Variants in SLC29A1 observed in about 807,000 individuals in gnomAD.
SLC29A1 encodes the protein equilibrative nucleoside transporter 1.
SLC29A1 carries 22 observed loss-of-function variants against 48.3 expected under a neutral mutation model. The observed-to-expected ratio is 0.46, with a 90% CI of 0.33 to 0.65. The LOEUF is 0.65. Ranked by LOEUF, SLC29A1 falls within the 30% of genes least tolerant of loss-of-function variation. SLC29A1 has a pLI of 0.03. For missense variants in SLC29A1, 491 were observed against 575.3 expected (o/e 0.85, Z 1.50); for synonymous variants, 228 against 231.0 (o/e 0.99, Z 0.12).
At position 44,223,930 on chromosome 6, in the gene SLC29A1, G is replaced by C; in HGVS notation, c.-52+289G>C. On this transcript the variant is annotated intron_variant, in intron 1 of 12. Transcript: ENST00000371755. This position sits in a 1 kb window ranked among gnomAD's most constrained non-coding sequence, Gnocchi z 5.0. ...GTTGACCTCCGCAAGGGGCAGGCGAGTGGACGGGTGATCCCCATCGATCTG... is the reference window on the plus strand; with the variant it reads ...GTTGACCTCCGCAAGGGGCAGGCGACTGGACGGGTGATCCCCATCGATCTG... 2.0e-6 allele frequency: 2 copies of C among 990,880 alleles called. No homozygotes were observed. The highest frequency in any genetic ancestry group is 2.4e-6 in the Non-Finnish European group (2 of 833,626). 61.4% of individuals were successfully genotyped at this position (990,880 alleles called of 1,614,324 possible).
In SLC29A1 at chr6:44,230,360, C is replaced by A; in HGVS notation, c.468C>A (p.Ile156=). 1.2e-6 allele frequency: 2 copies of A among 1,612,640 alleles called. No homozygotes were observed. The highest frequency in any genetic ancestry group is 2.2e-5 in the East Asian group (1 of 44,838). The change falls in exon 6 of 13, where the codon ATC becomes ATA. Residue 156 remains isoleucine (I), a synonymous_variant. Transcript: ENST00000371755. The part of the protein sequence containing the change: ...KIVLINSFGA[I]LQGSLFGLAG... ...CTGTTTCCCCAGCATTTGGTGCCAT[C>A]CTGCAGGGCAGCCTGTTTGGTCTGG...
In SLC29A1 at chr6:44,223,651, G is replaced by A. The variant is rs1390655183; in HGVS notation, c.-52+10G>A. On this transcript the variant is annotated intron_variant, in intron 1 of 12. Coordinates refer to ENST00000371755, the MANE Select transcript of SLC29A1 (RefSeq NM_001372327.1). The surrounding 1 kb of genome is among the most constrained non-coding windows in gnomAD (Gnocchi z 5.0). Reference sequence around the variant, plus strand: ...AGTGCTTCTGCGGCAGGTGCTGCCCGGGGCCGGGGACTGGGGACTGGGGAC... The same window carrying A: ...AGTGCTTCTGCGGCAGGTGCTGCCCAGGGCCGGGGACTGGGGACTGGGGAC... 1.7e-6 allele frequency: 2 copies of A among 1,201,570 alleles called. No individual in the cohort carries two copies. The highest frequency in any genetic ancestry group is 1.6e-5 in the African/African-American group (1 of 61,038). The allele number at this position is 1,201,570 out of a possible 1,614,324, so 74.4% of individuals were successfully genotyped here. A position where few individuals can be genotyped will look rare whatever the true frequency, so the allele number is the denominator to read the frequency against.
At chr6:44,223,501 G>A (rs1776717491), upstream of SLC29A1, 22 of 980,490 alleles carry the variant, frequency 2.2e-5, no homozygotes, top group South Asian at 6.1e-4. The surrounding 1 kb of genome is among the most constrained non-coding windows in gnomAD (Gnocchi z 5.0). Context: ...CGGGGGCGGG[G>A]CCGCGGGCGT....
rs1014208940 is a variant in SLC29A1 at position 44,229,227 on chromosome 6, C to G, written c.30-163C>G. On this transcript the variant is annotated intron_variant, in intron 2 of 12. Coordinates refer to ENST00000371755, the MANE Select transcript of SLC29A1 (RefSeq NM_001372327.1). This position sits in a 1 kb window ranked among gnomAD's most constrained non-coding sequence, Gnocchi z 5.1. ...TCCAACGAGCAATGTACCCTTTTCT[C>G]CCCCCACACCCATAAGAGGACACAT... Among the ~76,000 whole-genome samples, 1 of 142,176 alleles carries G rather than the reference C, an allele frequency of 7.0e-6. No homozygotes were observed. The highest frequency in any genetic ancestry group is 1.6e-5 in the Non-Finnish European group (1 of 62,212). The allele number at this position is 142,176 out of a possible 152,430, so 93.3% of individuals were successfully genotyped here. A position where few individuals can be genotyped will look rare whatever the true frequency, so the allele number is the denominator to read the frequency against.
chr6:44,233,160 G>A (rs1182415534), intron 12 of SLC29A1, among the ~76,000 whole-genome samples, 154 bp downstream of exon 12: 2 of 152,180 alleles, frequency 1.3e-5, no homozygotes, highest in Non-Finnish European at 2.9e-5. Context: ...AGGGGATAGT[G>A]ACTGTAGTGG....
In SLC29A1 at chr6:44,229,933, G is replaced by A; in HGVS notation, c.341G>A (p.Gly114Asp). 3.1e-6 allele frequency: 5 copies of A among 1,613,488 alleles called. No homozygotes were observed. The highest frequency in any genetic ancestry group is 4.2e-6 in the Non-Finnish European group (5 of 1,180,036). The change falls in exon 5 of 13, where the codon GGC (glycine) becomes GAC (aspartate). Residue 114 changes from glycine to aspartate, a missense_variant. Coordinates refer to ENST00000371755, the MANE Select transcript of SLC29A1 (RefSeq NM_001372327.1). The surrounding 1 kb of genome is among the most constrained non-coding windows in gnomAD (Gnocchi z 5.1). ...ATCCCCCAGTCCGTACGGATCCTGG[G>A]CAGCCTGGTGGCCATCCTGCTGGTG... ...QRIPQSVRIL[G>D]SLVAILLVFL... is the part of the protein sequence containing the mutation.
At position 44,229,514 on chromosome 6, in the gene SLC29A1, T is replaced by A; in HGVS notation, c.111+43T>A. ...GGGCTCCATGGGGCAGTGCCCACTG[T>A]GCTTGCAGGATCTGACTCTGTGCTG... is the stretch of plus-strand genomic sequence containing the variant. On this transcript the variant is annotated intron_variant, in intron 3 of 12. Transcript: ENST00000371755. This position sits in a 1 kb window ranked among gnomAD's most constrained non-coding sequence, Gnocchi z 5.1. 6.2e-7 allele frequency: 1 copy of A among 1,609,316 alleles called. No individual in the cohort carries two copies. Among genetic ancestry groups the A allele is most frequent in the Non-Finnish European group, 8.5e-7 (1 of 1,175,650 alleles).
rs1197774558 is a variant in SLC29A1 at position 44,229,991 on chromosome 6, G to C, written c.399G>C (p.Gln133His). 2.5e-6 allele frequency: 4 copies of C among 1,612,340 alleles called. No homozygotes were observed. Among genetic ancestry groups the C allele is most frequent in the Non-Finnish European group, 3.4e-6 (4 of 1,180,030 alleles). ...FLITAILVKV[Q>H]LDALPFFVIT... ...TCACTGCCATCCTGGTGAAGGTGCAGCTGGATGCTCTGCCCTTCTTTGTCA... is the reference window on the plus strand; with the variant it reads ...TCACTGCCATCCTGGTGAAGGTGCACCTGGATGCTCTGCCCTTCTTTGTCA... The change falls in exon 5 of 13, where the codon CAG becomes CAC. Residue 133 changes from glutamine to histidine, a missense_variant. By Grantham distance (24) the Gln-to-His change is conservative (BLOSUM62 0). Transcript: ENST00000371755. This position sits in a 1 kb window ranked among gnomAD's most constrained non-coding sequence, Gnocchi z 5.1.
chr6:44,224,935 C>T (rs1014180301), intron 1 of SLC29A1, among the ~76,000 whole-genome samples: 2 of 152,158 alleles, frequency 1.3e-5, no homozygotes, highest in Non-Finnish European at 2.9e-5. Context: ...GAGGAGAGGG[C>T]TGGAGTTGAA....
At position 44,233,462 on chromosome 6, in the gene SLC29A1, C is replaced by T. The variant is rs1190357146; in HGVS notation, c.1305C>T (p.Ala435=). The T allele has an allele frequency of 1.2e-6, 2 of 1,614,196 alleles. No homozygotes were observed. Among genetic ancestry groups the T allele is most frequent in the Non-Finnish European group, 1.7e-6 (2 of 1,180,016 alleles). Residue 435 remains alanine (A), a synonymous_variant, in exon 13 of 13, where the codon GCC becomes GCT. Coordinates refer to ENST00000371755, the MANE Select transcript of SLC29A1 (RefSeq NM_001372327.1). ...CAGAGACCGCAGGAGCCATCATGGC[C>T]TTCTTCCTGTGTCTGGGTCTGGCAC... ...AEAETAGAIM[A]FFLCLGLALG... is the part of the protein sequence containing the mutation.
intron 12 of SLC29A1, 71 bp downstream of exon 12, chr6:44,233,077 G>C: frequency 2.0e-6 from 3 of 1,486,814 alleles, no homozygotes. Context: ...ACACTCAGTA[G>C]AGGGAGGGCA....
rs565610402 is a variant in SLC29A1 at position 44,226,874 on chromosome 6, C to T, written c.-51-389C>T. On this transcript the variant is annotated intron_variant, in intron 1 of 12. Coordinates refer to ENST00000371755, the MANE Select transcript of SLC29A1 (RefSeq NM_001372327.1). The stretch of plus-strand genomic sequence containing the variant: ...CCTCCTTCCCTTGTCATCACTGTCC[C>T]TGACCCCTCTCGTCCTCTTGCCTGC... 6.7e-6 allele frequency: 7 copies of T among 1,051,630 alleles called. No homozygotes were observed. In the South Asian group the frequency reaches 1.6e-4, roughly 24 times the overall value. 65.1% of individuals were successfully genotyped at this position (1,051,630 alleles called of 1,614,324 possible). A position where few individuals can be genotyped will look rare whatever the true frequency, so the allele number is the denominator to read the frequency against.
Position 44,229,556 on chromosome 6 carries a change from A to G in SLC29A1, c.112-33A>G. On this transcript the variant is annotated intron_variant, in intron 3 of 12. Transcript: ENST00000371755. The surrounding 1 kb of genome is among the most constrained non-coding windows in gnomAD (Gnocchi z 5.1). The stretch of plus-strand genomic sequence containing the variant: ...TCTGTGCTGGTAGGCACAGGGAAAG[A>G]GATTTCAACACTCCTCTCTGCAACC... 1.2e-6 allele frequency: 2 copies of G among 1,612,650 alleles called. No homozygotes were observed. The highest frequency in any genetic ancestry group is 1.7e-6 in the Non-Finnish European group (2 of 1,178,740).
At chr6:44,231,013 G>GGA (rs1486442550) in intron 8 of SLC29A1, 124 bp downstream of exon 8, 38 of 777,660 alleles carry the variant, frequency 4.9e-5, no homozygotes, top group Non-Finnish European at 6.6e-5. Flanking sequence ...GAGGACTGAA[G>GGA]GACTACAGCA....
At chr6:44,226,748 T>G (rs775886821) in intron 1 of SLC29A1, 10 of 998,552 alleles carry the variant, frequency 1.0e-5, no homozygotes, top group Non-Finnish European at 1.2e-5. Context: ...TGGTTTGACC[T>G]CAGTCATCAT....
chr6:44,230,845 A>T lies in SLC29A1; in HGVS notation c.722A>T (p.Glu241Val). The T allele has an allele frequency of 6.2e-7, 1 of 1,614,154 alleles. No homozygotes were observed. The highest frequency in any genetic ancestry group is 8.5e-7 in the Non-Finnish European group (1 of 1,180,020). ...CGCTACTACCAGCAGCTCAAGCTTGAAGGACCCGGGGAGCAGGAGACCAAG... is the reference window on the plus strand; with the variant it reads ...CGCTACTACCAGCAGCTCAAGCTTGTAGGACCCGGGGAGCAGGAGACCAAG... The part of the protein sequence containing the change: ...FYRYYQQLKL[E>V]GPGEQETKLD... Residue 241 changes from glutamate to valine, a missense_variant, in exon 8 of 13, where the codon GAA (glutamate) becomes GTA (valine). Coordinates refer to ENST00000371755, the MANE Select transcript of SLC29A1 (RefSeq NM_001372327.1).
At position 44,224,927 on chromosome 6, in the gene SLC29A1, G is replaced by A. The variant is rs926658081; in HGVS notation, c.-52+1286G>A. On this transcript the variant is annotated intron_variant, in intron 1 of 12. Transcript: ENST00000371755. The stretch of plus-strand genomic sequence containing the variant: ...GCTGAATGTTAGGATATGGGCAGGA[G>A]GAGAGGGCTGGAGTTGAATTGTGCC... Among the ~76,000 whole-genome samples, 4 of 152,320 alleles carry A rather than the reference G, an allele frequency of 2.6e-5. No homozygotes were observed. The East Asian group carries it at 5.8e-4, about 22-fold the overall frequency.
At chr6:44,226,069 G>C (rs957546247) in intron 1 of SLC29A1, 1 of 983,162 alleles carries the variant, frequency 1.0e-6, no homozygotes, top group African/African-American at 1.7e-5. Context: ...AGGAGCCCGT[G>C]GACAAGGCCC....
chr6:44,227,244 CTG>C lies in SLC29A1; in HGVS notation c.-51-17_-51-16del. ...GGCAGGGCCAAGACAGGGCCTCACA[CTG>C]TTCCTGCCCCCAGCAGGCCCCTGAG... On this transcript the variant is annotated splice_polypyrimidine_tract_variant and intron_variant, in intron 1 of 12. Transcript: ENST00000371755. 6.2e-7 allele frequency: 1 copy of C among 1,609,004 alleles called. No homozygotes were observed. The highest frequency in any genetic ancestry group is 1.1e-5 in the South Asian group (1 of 90,346).
Sources: allele counts gnomAD v4.1 joint callset (sites outside exome capture counted in the v4.1 genomes callset), GRCh38; gene constraint gnomAD v4.1.1; non-coding constraint Gnocchi (gnomAD v3.1); transcripts MANE v1.5; gene names NCBI Gene and HGNC (gene_info 2026-07-23, HGNC 2026-07-21).